The following DST variants were observed in gnomAD, a reference collection of about 807,000 sequenced individuals.
DST encodes the protein dystonin.
Under a neutral mutation model 875.2 loss-of-function variants are expected in DST, and 253 were observed. The ratio of observed to expected loss-of-function variants is 0.29; its 90% confidence interval spans 0.26 to 0.32. DST has a LOEUF of 0.32. Among genes scored for constraint, DST ranks in the 10% least tolerant of loss-of-function variants. The pLI is 1.00. For synonymous variants in DST, 3,124 were observed against 3,197.1 expected (o/e 0.98, Z 0.77); for missense variants, 8,287 against 9,111.6 (o/e 0.91, Z 3.68).
intron 2 of DST, among the ~76,000 whole-genome samples, chr6:56,910,776 T>G (rs1170472491): frequency 6.6e-6 from 1 of 152,228 alleles, no homozygotes; most frequent in Non-Finnish European, 1.5e-5. Context: ...TGAGCCCCCG[T>G]GCTCGGCCTG....
rs1056809631 is a variant in DST at position 56,949,268 on chromosome 6, G to A, written c.216+4517C>T. ...TTTGTTTGTTTGTTTTTGTTGTTTT[G>A]TTTTTGTGTTTTGTCACCATGTAGC... On this transcript the variant is annotated intron_variant, in intron 2 of 103. Transcript: ENST00000680361. Among the ~76,000 whole-genome samples the A allele has an allele frequency of 2.0e-5, 3 of 152,074 alleles. No individual in the cohort carries two copies. In the East Asian group the frequency reaches 5.8e-4, roughly 29 times the overall value.
chr6:56,520,608 A>T (rs1220940785), intron 69 of DST, among the ~76,000 whole-genome samples: 1 of 152,172 alleles, frequency 6.6e-6, no homozygotes, highest in African/African-American at 2.4e-5. Context: ...ACTTAGAATT[A>T]TCTTAAAACA....
chr6:56,820,660 C>G (rs999583846), intron 4 of DST, among the ~76,000 whole-genome samples: 6 of 152,070 alleles, frequency 3.9e-5, no homozygotes, highest in Admixed American at 3.3e-4. Context: ...GTATTCACAC[C>G]AGAAAATGAA....
At chr6:56,785,305 C>T (rs1275772012) in intron 4 of DST, among the ~76,000 whole-genome samples, 1 of 152,218 alleles carries the variant, frequency 6.6e-6, no homozygotes, top group Non-Finnish European at 1.5e-5. Flanking sequence ...CTGTGCCCTG[C>T]CCCCAGAGGT....
chr6:56,751,801 C>A (rs1312927082), intron 4 of DST, among the ~76,000 whole-genome samples: 1 of 152,144 alleles, frequency 6.6e-6, no homozygotes, highest in African/African-American at 2.4e-5. Flanking sequence ...ACAGGTATGA[C>A]TCAGGGATCT....
intron 4 of DST, among the ~76,000 whole-genome samples, chr6:56,754,267 C>T (rs2099596205): frequency 6.6e-6 from 1 of 152,138 alleles, no homozygotes. Flanking sequence ...TAGATGCTAA[C>T]CTTTTAAAAA....
intron 4 of DST, among the ~76,000 whole-genome samples, chr6:56,774,029 G>C (rs1469412685): frequency 6.7e-6 from 1 of 150,142 alleles, no homozygotes; most frequent in Non-Finnish European, 1.5e-5. Context: ...CAGGAGAATC[G>C]CTTGAACCCA....
chr6:56,871,776 T>C, intron 3 of DST: 1 of 88,310 alleles, frequency 1.1e-5, no homozygotes, highest in Non-Finnish European at 2.3e-5. Flanking sequence ...CAATTAAAAG[T>C]AAAAAAAAAA....
At chr6:56,474,149 AT>A in intron 92 of DST, 147 bp from the exon 93 acceptor site, 1 of 686,950 alleles carries the variant, frequency 1.5e-6, no homozygotes, top group Non-Finnish European at 2.3e-6. Context: ...GGTAAAAAAA[AT>A]CTAAACCATC....
At chr6:56,824,278 C>G (rs1466242937) in intron 4 of DST, among the ~76,000 whole-genome samples, 4 of 152,216 alleles carry the variant, frequency 2.6e-5, no homozygotes, top group East Asian at 1.9e-4. Context: ...CTCGAGGTGC[C>G]GGGATTGCAG....
intron 36 of DST, chr6:56,620,804 A>T (rs933118156): frequency 4.2e-6 from 5 of 1,204,110 alleles, no homozygotes; most frequent in Non-Finnish European, 6.1e-6. Flanking sequence ...TACTTACAAA[A>T]CCAAGTGAAC....
chr6:56,880,235 T>C (rs548715714), intron 3 of DST, among the ~76,000 whole-genome samples: 1 of 152,216 alleles, frequency 6.6e-6, no homozygotes, highest in African/African-American at 2.4e-5. Flanking sequence ...AAAAATATAT[T>C]GAAATCTTAC....
intron 4 of DST, among the ~76,000 whole-genome samples, chr6:56,831,290 C>T (rs1386257192): frequency 6.6e-6 from 1 of 152,146 alleles, no homozygotes. Flanking sequence ...AAATCTTCAA[C>T]TCAACACCGG....
chr6:56,560,248 G>T (rs1163087047), intron 58 of DST, 46 bp downstream of exon 58: 1 of 1,496,982 alleles, frequency 6.7e-7, no homozygotes, highest in Non-Finnish European at 9.0e-7. Flanking sequence ...CATGAAAAAT[G>T]ATTGCACTTT....
At position 56,604,411 on chromosome 6, in the gene DST, G is replaced by A. The variant is rs780022591; in HGVS notation, c.10217C>T (p.Pro3406Leu). The A allele has an allele frequency of 2.5e-6, 4 of 1,610,286 alleles. No homozygotes were observed. The highest frequency in any genetic ancestry group is 1.1e-5 in the South Asian group (1 of 90,746). Residue 3406 changes from proline (P) to leucine (L), a missense_variant, in exon 40 of 104, where the codon CCC (proline) becomes CTC (leucine). Transcript: ENST00000680361. ...SQLVNEASTV[P>L]SDSQMSDSSG... Reference sequence around the variant, plus strand: ...AGAGTCACTCATTTGAGAGTCGCTGGGCACAGTAGATGCCTCATTTACCAA... The same window carrying A: ...AGAGTCACTCATTTGAGAGTCGCTGAGCACAGTAGATGCCTCATTTACCAA...
In DST at chr6:56,555,412, C is replaced by G; in HGVS notation, c.15069G>C (p.Leu5023Phe). Residue 5023 changes from leucine to phenylalanine, a missense_variant, in exon 60 of 104, where the codon TTG becomes TTC. By Grantham distance (22) the Leu-to-Phe change is conservative (BLOSUM62 0). Transcript: ENST00000680361. ...DLSALVKEEYLKAELSRQLEG... is the reference protein window; with the variant it reads ...DLSALVKEEYFKAELSRQLEG... ...CTAGTTGCCTACTAAGTTCTGCTTT[C>G]AAGTACTCTTCTTTAACCAGTGCTG... 2 of 1,613,322 alleles carry G rather than the reference C, an allele frequency of 1.2e-6. No individual in the cohort carries two copies. The highest frequency in any genetic ancestry group is 1.7e-6 in the Non-Finnish European group (2 of 1,179,530).
At chr6:56,811,346 G>A (rs1413947670) in intron 4 of DST, among the ~76,000 whole-genome samples, 1 of 152,080 alleles carries the variant, frequency 6.6e-6, no homozygotes, top group Non-Finnish European at 1.5e-5. Flanking sequence ...AGAAAAGCCA[G>A]GTCCTCTCCC....
At chr6:56,889,241 A>T (rs1786134868) in intron 3 of DST, among the ~76,000 whole-genome samples, 1 of 152,232 alleles carries the variant, frequency 6.6e-6, no homozygotes, top group Admixed American at 6.5e-5. Context: ...CTTCCATGAA[A>T]TCCAGACACA....
At chr6:56,671,849 T>G (rs1224655282) in intron 9 of DST, among the ~76,000 whole-genome samples, 1 of 152,202 alleles carries the variant, frequency 6.6e-6, no homozygotes, top group Non-Finnish European at 1.5e-5. Flanking sequence ...AAAATATCAC[T>G]TGACCAGAGT....
Sources: gnomAD v4.1 joint callset for allele counts (sites outside exome capture counted in the v4.1 genomes callset) on GRCh38, gnomAD v4.1.1 for gene constraint, MANE v1.5 for transcripts, NCBI Gene and HGNC (gene_info 2026-07-23, HGNC 2026-07-21) for gene names.